Variants in GRAMD1B observed in about 807,000 individuals in gnomAD.
GRAMD1B encodes the protein GRAM domain containing 1B.
A neutral mutation model predicts 99.7 loss-of-function variants in GRAMD1B; 37 were observed. That is an observed-to-expected ratio of 0.37 (90% CI 0.29 to 0.49). GRAMD1B has a LOEUF of 0.49. Ranked by LOEUF, GRAMD1B falls within the 20% of genes least tolerant of loss-of-function variation. The pLI is 0.98. For synonymous variants in GRAMD1B, 427 were observed against 387.6 expected (o/e 1.10, Z -1.19); for missense variants, 888 against 1,009.2 (o/e 0.88, Z 1.63).
rs868234733 is a variant in GRAMD1B, at chr11:123,368,406, A to G, written c.-176+9607A>G. Among the ~76,000 whole-genome samples the G allele has an allele frequency of 5.9e-5, 9 of 151,782 alleles. 1 individual carries two copies. In the South Asian group the frequency reaches 1.9e-3, roughly 31 times the overall value. ...GGATTGAAAGATAAGTTAAGGCTGG[A>G]ACAGTGGTTCACAGCTGTAATCCCA... On this transcript the variant is annotated intron_variant, in intron 1 of 20. Transcript: ENST00000638157.
chr11:123,410,862 A>C (rs1011837562), intron 1 of GRAMD1B, among the ~76,000 whole-genome samples: 9 of 152,024 alleles, frequency 5.9e-5, no homozygotes. Context: ...GCTTTATTTT[A>C]TTTATTTATA....
At chr11:123,390,090 A>AT (rs1314687617) in intron 1 of GRAMD1B, among the ~76,000 whole-genome samples, 4 of 133,532 alleles carry the variant, frequency 3.0e-5, no homozygotes, top group African/African-American at 1.5e-4. Context: ...CTCTTCTAAA[A>AT]TAAAAAAAAA....
At chr11:123,513,466 T>C (rs1233716182) in intron 2 of GRAMD1B, among the ~76,000 whole-genome samples, 1 of 152,072 alleles carries the variant, frequency 6.6e-6, no homozygotes, top group Non-Finnish European at 1.5e-5. Context: ...TGATGAATTG[T>C]TACTGAGAGT....
Position 123,591,333 on chromosome 11 carries a change from G to A in GRAMD1B, c.685-2749G>A, listed in dbSNP as rs551172736. ...AGACCAGTTGTTTTCATCGTGTGGG[G>A]ACAGTCGGGAGTCAGTGCTCAGGGA... On this transcript the variant is annotated intron_variant, in intron 4 of 19. Transcript: ENST00000635736. The surrounding 1 kb of genome is among the most constrained non-coding windows in gnomAD (Gnocchi z 4.7). The A allele has an allele frequency of 4.1e-4, 165 of 398,590 alleles. No individual in the cohort carries two copies. The highest frequency in any genetic ancestry group is 1.4e-3 in the South Asian group (10 of 7,322). The allele number at this position is 398,590 out of a possible 1,614,324, so 24.7% of individuals were successfully genotyped here.
chr11:123,572,981 C>T (rs111771171), intron 2 of GRAMD1B, among the ~76,000 whole-genome samples: 1 of 150,044 alleles, frequency 6.7e-6, no homozygotes, highest in African/African-American at 2.5e-5. Flanking sequence ...ATAGCTGAGG[C>T]AGAGGCGCAG....
At chr11:123,387,884 G>A (rs1947124992) in intron 1 of GRAMD1B, among the ~76,000 whole-genome samples, 1 of 152,156 alleles carries the variant, frequency 6.6e-6, no homozygotes. Flanking sequence ...AGCACTTTGG[G>A]AGGCCGAGGC....
chr11:123,580,663 A>G (rs1359189418), intron 3 of GRAMD1B, among the ~76,000 whole-genome samples: 1 of 152,202 alleles, frequency 6.6e-6, no homozygotes, highest in Non-Finnish European at 1.5e-5. Flanking sequence ...TCCTAGGTGC[A>G]GTCCGGCCCC....
chr11:123,544,820 T>C (rs1252965655), intron 2 of GRAMD1B, among the ~76,000 whole-genome samples: 1 of 152,232 alleles, frequency 6.6e-6, no homozygotes, highest in Non-Finnish European at 1.5e-5. Flanking sequence ...GAGCTGGCAT[T>C]TCTGACCTTT....
chr11:123,492,853 CTCTT>C lies in GRAMD1B; in HGVS notation c.452+11963_452+11966del, dbSNP rs1938716995. Among the ~76,000 whole-genome samples, 5 of 138,558 alleles carry C rather than the reference CTCTT, an allele frequency of 3.6e-5. No individual in the cohort carries two copies. The highest frequency in any genetic ancestry group is 5.8e-5 in the African/African-American group (2 of 34,402). 90.9% of individuals were successfully genotyped at this position (138,558 alleles called of 152,430 possible). ...CAATCCTCTCTCTCTCTCTGTCTCT[CTCTT>C]TCACACATACACACACACACACACA... On this transcript the variant is annotated intron_variant, in intron 2 of 19. Coordinates refer to ENST00000635736, the MANE Select transcript of GRAMD1B (RefSeq NM_001387025.1). The surrounding 1 kb of genome is among the most constrained non-coding windows in gnomAD (Gnocchi z 4.2).
chr11:123,367,228 A>G (rs1317986520), intron 1 of GRAMD1B, among the ~76,000 whole-genome samples: 1 of 152,214 alleles, frequency 6.6e-6, no homozygotes, highest in East Asian at 1.9e-4. Flanking sequence ...ACTGGAAACA[A>G]GGTACGCCTT....
chr11:123,619,148 C>T lies in GRAMD1B; in HGVS notation c.2468C>T (p.Ser823Phe), dbSNP rs148264959. 272 of 1,569,730 alleles carry T rather than the reference C, an allele frequency of 1.7e-4. 1 individual carries two copies. The African/African-American group carries it at 3.4e-3, about 20-fold the overall frequency. Residue 823 changes from serine (S) to phenylalanine (F), a missense_variant, in exon 19 of 20, where the codon TCC (serine) becomes TTC (phenylalanine). This residue lies in a region of GRAMD1B where 232 missense variants were observed against 261.7 expected (regional missense o/e 0.89). Coordinates refer to ENST00000635736, the MANE Select transcript of GRAMD1B (RefSeq NM_001387025.1). ...SQTEWAQLLESQQKYHDTELQ... is the reference protein window; with the variant it reads ...SQTEWAQLLEFQQKYHDTELQ... ...ACAGAATGGGCCCAGCTCTTAGAGT[C>T]CCAACAAAAGTACCACGATACTGAG...
Position 123,610,012 on chromosome 11 carries a change from A to C in GRAMD1B, c.1776+99A>C. ...ATGTCAGGAAGAAGTTTCAGGGCGC[A>C]AGTGTCATTTTGCCCCAAAGCGGTG... is the stretch of plus-strand genomic sequence containing the variant. On this transcript the variant is annotated intron_variant, in intron 13 of 19. Coordinates refer to ENST00000635736, the MANE Select transcript of GRAMD1B (RefSeq NM_001387025.1). This position sits in a 1 kb window ranked among gnomAD's most constrained non-coding sequence, Gnocchi z 4.1. 1.2e-6 allele frequency: 1 copy of C among 868,750 alleles called. No individual in the cohort carries two copies. The highest frequency in any genetic ancestry group is 1.9e-6 in the Non-Finnish European group (1 of 535,432). The allele number at this position is 868,750 out of a possible 1,614,324, so 53.8% of individuals were successfully genotyped here.
intron 19 of GRAMD1B, among the ~76,000 whole-genome samples, chr11:123,622,184 C>T (rs1431804428): frequency 6.6e-6 from 1 of 152,018 alleles, no homozygotes; most frequent in South Asian, 2.1e-4. Context: ...CAAAGCCTGG[C>T]TATAATTTTT....
At chr11:123,518,647 C>T (rs1941905006) in intron 2 of GRAMD1B, among the ~76,000 whole-genome samples, 1 of 152,196 alleles carries the variant, frequency 6.6e-6, no homozygotes, top group Admixed American at 6.5e-5. Flanking sequence ...AACTAGACCT[C>T]ACTAAGCCTG....
At chr11:123,403,961 C>T (rs903414041) in intron 1 of GRAMD1B, among the ~76,000 whole-genome samples, 2 of 152,190 alleles carry the variant, frequency 1.3e-5, no homozygotes, top group African/African-American at 4.8e-5. Flanking sequence ...TCTACAAGTT[C>T]ACCTTACGTG....
chr11:123,422,341 G>A (rs1252387406), intron 1 of GRAMD1B, among the ~76,000 whole-genome samples: 1 of 152,188 alleles, frequency 6.6e-6, no homozygotes, highest in Non-Finnish European at 1.5e-5. Flanking sequence ...TACAGTTACT[G>A]CCTCAAGATG....
chr11:123,519,533 C>G (rs1338446723), intron 2 of GRAMD1B, among the ~76,000 whole-genome samples: 1 of 152,232 alleles, frequency 6.6e-6, no homozygotes, highest in East Asian at 1.9e-4. Context: ...ATATAACACT[C>G]TCAACGCCTG....
At chr11:123,426,797 G>C (rs1948668848), upstream of GRAMD1B, among the ~76,000 whole-genome samples, 1 of 152,180 alleles carries the variant, frequency 6.6e-6, no homozygotes, top group African/African-American at 2.4e-5. Context: ...GTGTACCCAG[G>C]AGAAATCTAG....
At chr11:123,432,955 G>A (rs548319159) in intron 1 of GRAMD1B, among the ~76,000 whole-genome samples, 78 of 152,290 alleles carry the variant, frequency 5.1e-4, no homozygotes, top group Middle Eastern at 3.4e-3. Flanking sequence ...GATTTTTGTG[G>A]ACGCTGGGGA....
Sources: gnomAD v4.1 joint callset for allele counts (sites outside exome capture counted in the v4.1 genomes callset) on GRCh38, gnomAD v4.1.1 for gene constraint, gnomAD v4.1.1 regional missense constraint, Gnocchi (gnomAD v3.1) non-coding constraint, MANE v1.5 for transcripts, NCBI Gene and HGNC (gene_info 2026-07-23, HGNC 2026-07-21) for gene names.